Variants in LRP1B observed in about 807,000 individuals in gnomAD.
The protein encoded by LRP1B is LDL receptor related protein 1B.
Under a neutral mutation model 556.6 loss-of-function variants are expected in LRP1B, and 217 were observed. That is an observed-to-expected ratio of 0.39 (90% CI 0.35 to 0.44). The LOEUF is 0.44. Among genes scored for constraint, LRP1B ranks in the 20% least tolerant of loss-of-function variants. LRP1B has a pLI of 1.00. For synonymous variants in LRP1B, 2,047 were observed against 1,865.8 expected, an observed-to-expected ratio of 1.10 and a Z score of -2.50; for missense variants, 5,053 against 5,620.8, an observed-to-expected ratio of 0.90 and a Z score of 3.23.
chr2:140,547,740 T>C (rs1680396544), intron 43 of LRP1B, among the ~76,000 whole-genome samples: 1 of 152,136 alleles, frequency 6.6e-6, no homozygotes, highest in Admixed American at 6.6e-5. Flanking sequence ...CCTTCTGCCT[T>C]ACCAAATTCC....
At chr2:140,759,171 ATT>A (rs747193332) in intron 35 of LRP1B, among the ~76,000 whole-genome samples, 5 of 152,028 alleles carry the variant, frequency 3.3e-5, no homozygotes, top group East Asian at 1.9e-4. Flanking sequence ...GAGAAAATAG[ATT>A]TTTTTTTAAA....
At chr2:141,802,888 T>C (rs1574377405) in intron 2 of LRP1B, among the ~76,000 whole-genome samples, 2 of 152,156 alleles carry the variant, frequency 1.3e-5, no homozygotes, top group African/African-American at 4.8e-5. Flanking sequence ...GACTCCTTGC[T>C]CAGTCTTCAG....
intron 7 of LRP1B, among the ~76,000 whole-genome samples, chr2:141,117,519 C>T (rs1050655072): frequency 1.2e-4 from 19 of 152,038 alleles, no homozygotes; most frequent in African/African-American, 4.3e-4. Context: ...AAAAAAATCA[C>T]AGATAGACCC....
chr2:141,186,679 A>G (rs1357863841), intron 7 of LRP1B, among the ~76,000 whole-genome samples: 1 of 152,120 alleles, frequency 6.6e-6, no homozygotes, highest in African/African-American at 2.4e-5. Context: ...GCTTGAAGGA[A>G]TCCAGCAGAG....
intron 1 of LRP1B, among the ~76,000 whole-genome samples, chr2:142,069,736 G>T (rs913416577): frequency 6.6e-6 from 1 of 151,698 alleles, no homozygotes; most frequent in Non-Finnish European, 1.5e-5. Flanking sequence ...AAGGAGTAGG[G>T]TTACAAAAGG....
intron 7 of LRP1B, among the ~76,000 whole-genome samples, chr2:141,092,577 T>C (rs1700195875): frequency 6.6e-6 from 1 of 152,210 alleles, no homozygotes; most frequent in African/African-American, 2.4e-5. Context: ...AGATGAATAG[T>C]AGACAGAATA....
chr2:140,732,676 A>T (rs1687817207), intron 35 of LRP1B, among the ~76,000 whole-genome samples: 1 of 151,482 alleles, frequency 6.6e-6, no homozygotes, highest in Non-Finnish European at 1.5e-5. Flanking sequence ...ATTACATTAG[A>T]TTAGAAAACT....
At chr2:142,066,741 GT>G (rs1705123983) in intron 1 of LRP1B, among the ~76,000 whole-genome samples, 1 of 151,318 alleles carries the variant, frequency 6.6e-6, no homozygotes. Flanking sequence ...TCCAGCCTCT[GT>G]TTTTTGCCCA....
At chr2:140,521,070 T>C (rs1199528442) in intron 49 of LRP1B, among the ~76,000 whole-genome samples, 3 of 151,990 alleles carry the variant, frequency 2.0e-5, no homozygotes, top group African/African-American at 7.2e-5. Context: ...ATAAAATCTA[T>C]GACTTATTGA....
At chr2:140,774,030 T>C (rs1471088942) in intron 33 of LRP1B, among the ~76,000 whole-genome samples, 1 of 152,120 alleles carries the variant, frequency 6.6e-6, no homozygotes, top group Non-Finnish European at 1.5e-5. Context: ...AACTCTCCAG[T>C]GATCTTTGTC....
At chr2:140,975,386 G>T (rs1696562122) in intron 18 of LRP1B, among the ~76,000 whole-genome samples, 1 of 152,194 alleles carries the variant, frequency 6.6e-6, no homozygotes, top group Admixed American at 6.5e-5. Flanking sequence ...TCAGAGGATT[G>T]TGAAATTTAC....
rs761131522 is a variant in LRP1B at position 140,598,659 on chromosome 2, C to G, written c.7166G>C (p.Arg2389Thr). Residue 2389 changes from arginine (R) to threonine (T), a missense_variant, in exon 43 of 91, where the codon AGG (arginine) becomes ACG (threonine). Physicochemically the swap from Arg to Thr is moderately conservative, Grantham distance 71 (BLOSUM62 -1). Transcript: ENST00000389484. ...FSDGSLGKIE[R>T]CEYDGSQRHV... ...TCTCTGGGATCCATCGTATTCACAC[C>G]TTTCAATTTTTCCTAGACTGCCATC... 2 of 1,613,570 alleles carry G rather than the reference C, an allele frequency of 1.2e-6. No individual in the cohort carries two copies. Among genetic ancestry groups the G allele is most frequent in the Non-Finnish European group, 1.7e-6 (2 of 1,179,694 alleles).
intron 1 of LRP1B, among the ~76,000 whole-genome samples, chr2:141,956,418 C>A (rs940301631): frequency 1.4e-4 from 22 of 151,938 alleles, no homozygotes; most frequent in Non-Finnish European, 2.9e-4. Context: ...TACTTTTTTT[C>A]TAATATGTGG....
At chr2:141,088,138 T>C (rs1195561942) in intron 7 of LRP1B, among the ~76,000 whole-genome samples, 1 of 152,144 alleles carries the variant, frequency 6.6e-6, no homozygotes, top group Non-Finnish European at 1.5e-5. Context: ...TAGGTAGCAG[T>C]GTTTGAATTT....
At chr2:141,307,346 T>TTATCATTATATAATGATATAATATA (rs1686628451) in intron 3 of LRP1B, among the ~76,000 whole-genome samples, 3 of 152,148 alleles carry the variant, frequency 2.0e-5, no homozygotes, top group Non-Finnish European at 4.4e-5. Context: ...ATTGATCCAT[T>TTATCATTATATAATGATATAATATA]TATCATTATA....
chr2:140,649,663 C>T (rs897225138), intron 41 of LRP1B, among the ~76,000 whole-genome samples: 3 of 152,172 alleles, frequency 2.0e-5, no homozygotes, highest in African/African-American at 7.2e-5. Context: ...AGCTTTAAAC[C>T]ACATAGTTTG....
chr2:141,523,497 G>T (rs921635968), intron 2 of LRP1B, among the ~76,000 whole-genome samples: 1 of 151,926 alleles, frequency 6.6e-6, no homozygotes, highest in Non-Finnish European at 1.5e-5. Context: ...CTTACATGTG[G>T]TCCAACACTT....
intron 41 of LRP1B, among the ~76,000 whole-genome samples, chr2:140,613,384 T>TATAAATATAAATATATATAATTAC (rs1683145267): frequency 1.5e-5 from 2 of 130,580 alleles, no homozygotes; most frequent in African/African-American, 2.6e-5. Flanking sequence ...TATATAATTA[T>TATAAATATAAATATATATAATTAC]ATACATATAA....
intron 20 of LRP1B, among the ~76,000 whole-genome samples, chr2:140,926,662 A>T (rs902091885): frequency 2.0e-5 from 3 of 152,016 alleles, no homozygotes; most frequent in African/African-American, 7.2e-5. Flanking sequence ...GATTTTTAGG[A>T]CTCATTTGAC....
Sources: allele counts gnomAD v4.1 joint callset (sites outside exome capture counted in the v4.1 genomes callset), GRCh38; gene constraint gnomAD v4.1.1; transcripts MANE v1.5; gene names NCBI Gene and HGNC (gene_info 2026-07-23, HGNC 2026-07-21).